The following CSMD1 variants were observed in gnomAD, a reference collection of about 807,000 sequenced individuals.
CSMD1 encodes CUB and Sushi multiple domains 1, also known as CUB and sushi domain-containing protein 1.
CSMD1 carries 213 observed loss-of-function variants against 417.5 expected under a neutral mutation model. That is an observed-to-expected ratio of 0.51 (90% CI 0.46 to 0.57). The LOEUF (loss-of-function observed/expected upper bound fraction) is 0.57, where lower values mean the gene tolerates loss of function less well. Ranked by LOEUF, CSMD1 falls within the 20% of genes least tolerant of loss-of-function variation. The pLI, the probability that CSMD1 is intolerant of heterozygous loss-of-function variation, is 0.00. For missense variants in CSMD1, 6,923 were observed against 4,529.7 expected (o/e 1.53, Z -15.17); for synonymous variants, 2,862 against 1,736.8 (o/e 1.65, Z -16.11).
intron 63 of CSMD1, 81 bp downstream of exon 63, chr8:2,957,615 A>G: frequency 1.1e-6 from 1 of 937,186 alleles, no homozygotes. Flanking sequence ...ATTTCTCATT[A>G]TTTCCCTTAG....
chr8:4,905,600 A>C (rs548287501), intron 1 of CSMD1, among the ~76,000 whole-genome samples: 1 of 152,020 alleles, frequency 6.6e-6, no homozygotes, highest in Non-Finnish European at 1.5e-5. Flanking sequence ...TGGGCCCATC[A>C]CGAGGTCATG....
chr8:3,178,877 A>G (rs1821107888), intron 37 of CSMD1, among the ~76,000 whole-genome samples: 1 of 152,186 alleles, frequency 6.6e-6, no homozygotes, highest in African/African-American at 2.4e-5. Flanking sequence ...ATTTACATCA[A>G]CAGTCCTGAT....
chr8:4,358,889 A>G (rs558730373), intron 3 of CSMD1, among the ~76,000 whole-genome samples: 1 of 152,286 alleles, frequency 6.6e-6, no homozygotes, highest in East Asian at 1.9e-4. Context: ...CCATAAACCT[A>G]AAACTACAGG....
intron 3 of CSMD1, among the ~76,000 whole-genome samples, chr8:4,098,937 A>G (rs1418538585): frequency 6.6e-6 from 1 of 152,194 alleles, no homozygotes; most frequent in Admixed American, 6.5e-5. Flanking sequence ...TACAACACAG[A>G]AAAAATGTTA....
Position 4,043,362 on chromosome 8 carries a change from G to T in CSMD1, c.416-11263C>A, listed in dbSNP as rs192965131. Among the ~76,000 whole-genome samples the T allele has an allele frequency of 1.2e-3, 185 of 152,256 alleles. 1 individual carries two copies. The highest frequency in any genetic ancestry group is 4.2e-3 in the African/African-American group (174 of 41,530). Reference sequence around the variant, plus strand: ...TGAGAAATACAAAGCAAACTGCAAGGTGGTAAAATTAAATACAGCCACACC... The same window carrying T: ...TGAGAAATACAAAGCAAACTGCAAGTTGGTAAAATTAAATACAGCCACACC... On this transcript the variant is annotated intron_variant, in intron 3 of 69. Coordinates refer to ENST00000635120, the MANE Select transcript of CSMD1 (RefSeq NM_033225.6).
intron 3 of CSMD1, among the ~76,000 whole-genome samples, chr8:4,249,036 G>A (rs1309274755): frequency 1.3e-5 from 2 of 152,138 alleles, no homozygotes; most frequent in African/African-American, 4.8e-5. Flanking sequence ...CCTGGCATAT[G>A]CTACTCAATG....
intron 1 of CSMD1, chr8:4,787,655 G>T (rs1319146945): frequency 6.3e-7 from 1 of 1,586,984 alleles, no homozygotes; most frequent in South Asian, 1.1e-5. Flanking sequence ...AAATCCTGGT[G>T]TCAAGGAAGG....
At chr8:4,705,434 C>T (rs1219564236) in intron 1 of CSMD1, among the ~76,000 whole-genome samples, 3 of 152,150 alleles carry the variant, frequency 2.0e-5, no homozygotes, top group East Asian at 1.9e-4. Context: ...AATCCCCAGT[C>T]GCCTGTCATT....
At chr8:4,826,797 T>G (rs1476738971) in intron 1 of CSMD1, among the ~76,000 whole-genome samples, 1 of 152,174 alleles carries the variant, frequency 6.6e-6, no homozygotes, top group African/African-American at 2.4e-5. Context: ...AAGTACAGGC[T>G]TAATGTACTT....
chr8:4,628,530 G>C (rs1770190170), intron 2 of CSMD1, among the ~76,000 whole-genome samples: 1 of 151,390 alleles, frequency 6.6e-6, no homozygotes, highest in South Asian at 2.1e-4. Context: ...GAGAGAAAGA[G>C]ACATAGGATA....
At chr8:3,412,823 A>G (rs1266983992) in intron 12 of CSMD1, among the ~76,000 whole-genome samples, 1 of 152,218 alleles carries the variant, frequency 6.6e-6, no homozygotes. Context: ...AATGCTTGGG[A>G]TGCCTTGAAT....
At chr8:4,934,048 T>A (rs1807437439) in intron 1 of CSMD1, among the ~76,000 whole-genome samples, 1 of 152,142 alleles carries the variant, frequency 6.6e-6, no homozygotes, top group African/African-American at 2.4e-5. Context: ...AAATGTGTTC[T>A]AGCATGAATG....
intron 2 of CSMD1, among the ~76,000 whole-genome samples, chr8:4,446,755 C>CTGTGTGTGTGTGTGTGTGTGTCTG (rs1798825936): frequency 8.3e-4 from 111 of 132,974 alleles, no homozygotes; most frequent in African/African-American, 3.2e-3. Context: ...GTGTGTGTGT[C>CTGTGTGTGTGTGTGTGTGTGTCTG]TGTGTGTGTG....
At chr8:4,265,144 G>T (rs1381925851) in intron 3 of CSMD1, among the ~76,000 whole-genome samples, 6 of 152,042 alleles carry the variant, frequency 3.9e-5, no homozygotes, top group African/African-American at 1.4e-4. Flanking sequence ...ATTTGACCTC[G>T]ACTATTATTA....
rs149827045 is a variant in CSMD1, at chr8:4,659,390, C to G, written c.86-21832G>C. Among the ~76,000 whole-genome samples the G allele has an allele frequency of 3.3e-5, 5 of 152,100 alleles. No individual in the cohort carries two copies. The East Asian group carries it at 5.8e-4, about 18-fold the overall frequency. ...ATTAGAGCAGATATATTTAAAAATG[C>G]AGAACAGCAAAACAATAGAATCTAC... On this transcript the variant is annotated intron_variant, in intron 1 of 69. Coordinates refer to ENST00000635120, the MANE Select transcript of CSMD1 (RefSeq NM_033225.6).
intron 3 of CSMD1, among the ~76,000 whole-genome samples, chr8:4,259,427 G>A (rs1803717938): frequency 6.6e-6 from 1 of 151,976 alleles, no homozygotes. Flanking sequence ...AATTATACCA[G>A]GACCCATCCC....
intron 5 of CSMD1, among the ~76,000 whole-genome samples, chr8:3,777,172 T>C (rs1017971547): frequency 6.6e-6 from 1 of 151,780 alleles, no homozygotes; most frequent in Non-Finnish European, 1.5e-5. Context: ...CATATATATA[T>C]GTATGTGTGT....
At chr8:4,669,459 G>A (rs555092279) in intron 1 of CSMD1, among the ~76,000 whole-genome samples, 1 of 152,224 alleles carries the variant, frequency 6.6e-6, no homozygotes, top group East Asian at 1.9e-4. Context: ...ACAACTACTT[G>A]GAACTCAGGA....
intron 10 of CSMD1, among the ~76,000 whole-genome samples, chr8:3,573,124 C>T (rs1386249639): frequency 6.6e-6 from 1 of 152,044 alleles, no homozygotes; most frequent in Admixed American, 6.6e-5. Context: ...ATGCTTGTTT[C>T]TGTTACACTA....
Sources: gnomAD v4.1 joint callset for allele counts (sites outside exome capture counted in the v4.1 genomes callset) on GRCh38, gnomAD v4.1.1 for gene constraint, MANE v1.5 for transcripts, NCBI Gene and HGNC (gene_info 2026-07-23, HGNC 2026-07-21) for gene names.